The following HESX1 variants were observed in gnomAD, a reference collection of about 807,000 sequenced individuals.
The protein encoded by HESX1 is homeobox expressed in ES cells 1.
A neutral mutation model predicts 22.5 loss-of-function variants in HESX1; 11 were observed. That is an observed-to-expected ratio of 0.49 (90% CI 0.31 to 0.81). The LOEUF is 0.81. Ranked by LOEUF, HESX1 falls within the 30% of genes least tolerant of loss-of-function variation. The pLI, the probability that HESX1 is intolerant of heterozygous loss-of-function variation, is 0.05. For synonymous variants in HESX1, 74 were observed against 76.5 expected, an observed-to-expected ratio of 0.97 and a Z score of 0.17; for missense variants, 201 against 212.6, an observed-to-expected ratio of 0.95 and a Z score of 0.34.
upstream of HESX1, among the ~76,000 whole-genome samples, chr3:57,200,298 T>G (rs1315045727): frequency 6.6e-6 from 1 of 152,226 alleles, no homozygotes; most frequent in Non-Finnish European, 1.5e-5. Flanking sequence ...ATCAAGCTTT[T>G]TATTCTGAAG....
chr3:57,227,489 C>T (rs2060654745), upstream of HESX1, among the ~76,000 whole-genome samples: 1 of 152,368 alleles, frequency 6.6e-6, no homozygotes, highest in Non-Finnish European at 1.5e-5. Context: ...TCTGGCTCCT[C>T]GCGCCGGCAA....
Position 57,198,145 on chromosome 3 carries a change from G to A in HESX1, c.*52C>T. On this transcript the variant is annotated 3_prime_UTR_variant, in exon 4 of 4. Coordinates refer to ENST00000295934, the MANE Select transcript of HESX1 (RefSeq NM_003865.3). ...CATTTTAACACTTAATATTTCCACT[G>A]ATTCTTCATGCTCTGCAATTAGAAG... is the stretch of plus-strand genomic sequence containing the variant. 9.1e-7 allele frequency: 1 copy of A among 1,104,078 alleles called. No homozygotes were observed. Among genetic ancestry groups the A allele is most frequent in the Non-Finnish European group, 1.4e-6 (1 of 719,612 alleles). The allele number at this position is 1,104,078 out of a possible 1,614,324, so 68.4% of individuals were successfully genotyped here.
At chr3:57,206,929 T>A (rs952030744) in intron 1 of HESX1, among the ~76,000 whole-genome samples, 1 of 151,982 alleles carries the variant, frequency 6.6e-6, no homozygotes, top group African/African-American at 2.4e-5. Flanking sequence ...TCCACCAATA[T>A]CCATTCTATC....
intron 1 of HESX1, among the ~76,000 whole-genome samples, chr3:57,207,406 T>A (rs1474991167): frequency 6.6e-6 from 1 of 152,204 alleles, no homozygotes; most frequent in Non-Finnish European, 1.5e-5. Context: ...CCCCTCTGTG[T>A]TCCCATTTTC....
chr3:57,198,974 C>T, intron 1 of HESX1, 22 bp from the exon 2 acceptor site: 2 of 1,601,278 alleles, frequency 1.2e-6, no homozygotes, highest in Non-Finnish European at 1.7e-6. Context: ...AAAATAAGCC[C>T]TGTCTTAGAT....
exon 1 of HESX1, chr3:57,226,357 G>A (rs150108857): frequency 2.6e-4 from 40 of 152,206 alleles, no homozygotes; most frequent in Admixed American, 1.6e-3. Flanking sequence ...GAGTAGAAAT[G>A]AGATATCAAG....
intron 1 of HESX1, among the ~76,000 whole-genome samples, chr3:57,220,748 T>C (rs1158506850): frequency 6.6e-6 from 1 of 152,106 alleles, no homozygotes; most frequent in Non-Finnish European, 1.5e-5. Flanking sequence ...ATTTATTATA[T>C]AGTATATCAC....
rs1478841009 is a variant in HESX1, at chr3:57,198,484, C to G, written c.366G>C (p.Val122=). ...RTAFTQNQIE[V]LENVFRVNCY... ...AGTTTACTCTAAAGACATTTTCTAA[C>G]ACTTCAATCTAAGAAAAAAAAATGT... Residue 122 remains valine (V), a synonymous_variant, in exon 3 of 4, where the codon GTG becomes GTC. Coordinates refer to ENST00000295934, the MANE Select transcript of HESX1 (RefSeq NM_003865.3). 14 of 1,568,098 alleles carry G rather than the reference C, an allele frequency of 8.9e-6. No homozygotes were observed. Among genetic ancestry groups the G allele is most frequent in the Non-Finnish European group, 1.2e-5 (14 of 1,142,172 alleles).
At chr3:57,208,417 A>C (rs544470566) in intron 1 of HESX1, among the ~76,000 whole-genome samples, 29 of 151,550 alleles carry the variant, frequency 1.9e-4, no homozygotes, top group African/African-American at 6.8e-4. Context: ...TGCGATCTCA[A>C]CTCACTGCAG....
chr3:57,226,768 G>C (rs1459232951), upstream of HESX1, among the ~76,000 whole-genome samples: 2 of 152,162 alleles, frequency 1.3e-5, no homozygotes, highest in Non-Finnish European at 2.9e-5. Context: ...GAATGGATTG[G>C]TGGAATTAAT....
intron 1 of HESX1, among the ~76,000 whole-genome samples, chr3:57,211,355 T>C (rs2060552240): frequency 6.6e-6 from 1 of 151,194 alleles, no homozygotes; most frequent in South Asian, 2.1e-4. Flanking sequence ...CAGTGGGACC[T>C]CGTCTCTTCA....
At chr3:57,200,365 C>G (rs1181379422), upstream of HESX1, among the ~76,000 whole-genome samples, 1 of 151,940 alleles carries the variant, frequency 6.6e-6, no homozygotes, top group Non-Finnish European at 1.5e-5. Flanking sequence ...CGAGAGCAGT[C>G]GAGTAATAAA....
At chr3:57,205,380 G>C (rs1043309714) in intron 1 of HESX1, among the ~76,000 whole-genome samples, 1 of 152,136 alleles carries the variant, frequency 6.6e-6, no homozygotes, top group Non-Finnish European at 1.5e-5. Flanking sequence ...CTTCAGCCTA[G>C]GACACAGAGC....
intron 1 of HESX1, among the ~76,000 whole-genome samples, chr3:57,223,239 T>C (rs761969572): frequency 6.6e-6 from 1 of 152,220 alleles, no homozygotes; most frequent in African/African-American, 2.4e-5. Context: ...CTCATAACCA[T>C]GTTCTCATCT....
chr3:57,218,439 C>CTTTTTTTTTTTTTTTTTT (rs60734023), intron 1 of HESX1, among the ~76,000 whole-genome samples: 1 of 102,276 alleles, frequency 9.8e-6, no homozygotes. Flanking sequence ...TGATCTCATT[C>CTTTTTTTTTTTTTTTTTT]TTTTTTTTTT....
chr3:57,212,713 C>T (rs1322793186), intron 1 of HESX1, among the ~76,000 whole-genome samples: 1 of 152,150 alleles, frequency 6.6e-6, no homozygotes, highest in Non-Finnish European at 1.5e-5. Context: ...AGCTTACTGG[C>T]TATCACCACT....
At chr3:57,198,600 A>C in intron 2 of HESX1, 108 bp from the exon 3 acceptor site, 2 of 1,028,410 alleles carry the variant, frequency 1.9e-6, no homozygotes, top group Non-Finnish European at 3.0e-6. Context: ...ATGCCTTTTT[A>C]AAAATGATTA....
At chr3:57,200,172 ACCT>A, upstream of HESX1, 1 of 496,350 alleles carries the variant, frequency 2.0e-6, no homozygotes, top group Non-Finnish European at 3.7e-6. Flanking sequence ...CAGGGGGGCC[ACCT>A]ACAGGGACAA....
intron 2 of HESX1, 70 bp downstream of exon 2, chr3:57,198,683 T>G: frequency 7.3e-7 from 1 of 1,377,128 alleles, no homozygotes; most frequent in Non-Finnish European, 1.0e-6. Flanking sequence ...CCAAAGTGAG[T>G]GGGCTTTTGC....
Sources: allele counts gnomAD v4.1 joint callset (sites outside exome capture counted in the v4.1 genomes callset), GRCh38; gene constraint gnomAD v4.1.1; transcripts MANE v1.5; gene names NCBI Gene and HGNC (gene_info 2026-07-23, HGNC 2026-07-21).